The following STXBP5L variants were observed in gnomAD, a reference collection of about 807,000 sequenced individuals.
STXBP5L encodes the protein syntaxin binding protein 5L.
A neutral mutation model predicts 144.5 loss-of-function variants in STXBP5L; 65 were observed. The ratio of observed to expected loss-of-function variants is 0.45; its 90% CI spans 0.37 to 0.55. The LOEUF (loss-of-function observed/expected upper bound fraction) is 0.55, where lower values mean the gene tolerates loss of function less well. Among genes scored for constraint, STXBP5L ranks in the 20% least tolerant of loss-of-function variants. STXBP5L has a pLI of 0.00. For missense variants in STXBP5L, 1,298 were observed against 1,405.5 expected (o/e 0.92, Z 1.22); for synonymous variants, 505 against 469.6 (o/e 1.08, Z -0.97).
intron 5 of STXBP5L, among the ~76,000 whole-genome samples, chr3:121,053,059 A>C (rs139028454): frequency 0.12 from 17,891 of 152,240 alleles, 1,099 homozygotes; most frequent in East Asian, 0.14. Context: ...GACCTCTTCA[A>C]GGAGAACTAC....
intron 14 of STXBP5L, among the ~76,000 whole-genome samples, chr3:121,242,938 C>T (rs1033008047): frequency 6.6e-6 from 1 of 152,130 alleles, no homozygotes; most frequent in African/African-American, 2.4e-5. Flanking sequence ...TAGGAAGTCA[C>T]AGTACCCCAG....
Position 121,013,368 on chromosome 3 carries a change from C to T in STXBP5L, c.288-28332C>T, listed in dbSNP as rs185503209. On this transcript the variant is annotated intron_variant, in intron 3 of 26. Transcript: ENST00000471454. ...CTTGCCAACATCTGTTATTTTCCGACTTTTTAATAATAGTCATTCTGACTG... is the reference window on the plus strand; with the variant it reads ...CTTGCCAACATCTGTTATTTTCCGATTTTTTAATAATAGTCATTCTGACTG... Among the ~76,000 whole-genome samples, 298 of 152,136 alleles carry T rather than the reference C, an allele frequency of 2.0e-3. 1 individual carries two copies. Among genetic ancestry groups the T allele is most frequent in the African/African-American group, 7.0e-3 (289 of 41,558 alleles).
chr3:121,012,718 C>T (rs1576659818), intron 3 of STXBP5L, among the ~76,000 whole-genome samples: 1 of 151,828 alleles, frequency 6.6e-6, no homozygotes, highest in East Asian at 1.9e-4. Context: ...GATACATGTG[C>T]ATGTGCAGGT....
At chr3:121,104,652 C>T (rs2043601275) in intron 5 of STXBP5L, among the ~76,000 whole-genome samples, 1 of 152,118 alleles carries the variant, frequency 6.6e-6, no homozygotes, top group Non-Finnish European at 1.5e-5. Flanking sequence ...TGGGAAAGAA[C>T]ACCCAATTCA....
At chr3:121,362,840 G>A (rs1025464696) in intron 20 of STXBP5L, among the ~76,000 whole-genome samples, 2 of 152,088 alleles carry the variant, frequency 1.3e-5, no homozygotes, top group Non-Finnish European at 2.9e-5. Context: ...ATAATGTGCT[G>A]AGTCTCACCT....
rs939888256 is a variant in STXBP5L at position 121,020,592 on chromosome 3, A to G, written c.288-21108A>G. Reference sequence around the variant, plus strand: ...GCAGAAACCATACAAGCTAGAAGGGATTGGTTCCTATCTTTAGTTTCCTTA... The same window carrying G: ...GCAGAAACCATACAAGCTAGAAGGGGTTGGTTCCTATCTTTAGTTTCCTTA... On this transcript the variant is annotated intron_variant, in intron 3 of 26. Coordinates refer to ENST00000471454, the MANE Select transcript of STXBP5L (RefSeq NM_001308330.2). Among the ~76,000 whole-genome samples, 4 of 152,316 alleles carry G rather than the reference A, an allele frequency of 2.6e-5. No individual in the cohort carries two copies. The South Asian group carries it at 8.3e-4, about 32-fold the overall frequency.
chr3:121,018,930 G>A (rs1286600496), intron 3 of STXBP5L, among the ~76,000 whole-genome samples: 1 of 152,164 alleles, frequency 6.6e-6, no homozygotes, highest in African/African-American at 2.4e-5. Flanking sequence ...CCAAGAAACC[G>A]TGAGCCTGCT....
chr3:121,415,912 G>A lies in STXBP5L; in HGVS notation c.3170G>A (p.Gly1057Asp), dbSNP rs1198078974. The change falls in exon 25 of 27, where the codon GGC becomes GAC. Residue 1057 changes from glycine to aspartate, a missense_variant. Transcript: ENST00000471454. ...GAGACACCAGAAGCTCAAAACAGAG[G>A]CTTTCTCAAGGGACTGTTTGGTGGA... Reference protein sequence around the residue: ...PIETPEAQNRGFLKGLFGGSG... With the variant: ...PIETPEAQNRDFLKGLFGGSG... 8 of 1,613,414 alleles carry A rather than the reference G, an allele frequency of 5.0e-6. No homozygotes were observed. In the Admixed American group the frequency reaches 1.3e-4, roughly 27 times the overall value.
chr3:121,162,503 G>C (rs953707898), intron 9 of STXBP5L, among the ~76,000 whole-genome samples: 11 of 152,136 alleles, frequency 7.2e-5, no homozygotes, highest in Admixed American at 3.3e-4. Context: ...TCAGGACATA[G>C]GCATGGGCAA....
intron 3 of STXBP5L, 114 bp downstream of exon 3, chr3:120,955,151 T>C (rs1937883934): frequency 4.0e-6 from 3 of 752,630 alleles, no homozygotes; most frequent in Non-Finnish European, 6.3e-6. Context: ...TTTTAAGAAA[T>C]GAGTAACTAT....
At chr3:121,405,225 G>A (rs1255720349) in intron 22 of STXBP5L, among the ~76,000 whole-genome samples, 1 of 152,050 alleles carries the variant, frequency 6.6e-6, no homozygotes, top group Non-Finnish European at 1.5e-5. Flanking sequence ...TTTACAAGAG[G>A]TTGGCAGGGG....
intron 2 of STXBP5L, among the ~76,000 whole-genome samples, chr3:120,915,817 T>C (rs543402719): frequency 6.6e-6 from 1 of 152,168 alleles, no homozygotes; most frequent in East Asian, 1.9e-4. Flanking sequence ...ATTTAAAGGA[T>C]TTAGAGAAGG....
chr3:121,036,006 T>G (rs1003294930), intron 3 of STXBP5L, among the ~76,000 whole-genome samples: 1 of 152,160 alleles, frequency 6.6e-6, no homozygotes, highest in African/African-American at 2.4e-5. Context: ...AATATATAAT[T>G]GGTCTTTGCT....
chr3:121,007,208 G>C (rs74280555), intron 3 of STXBP5L, among the ~76,000 whole-genome samples: 5 of 152,024 alleles, frequency 3.3e-5, no homozygotes, highest in African/African-American at 1.2e-4. Context: ...AATAGATATT[G>C]AAGTTACTTT....
chr3:121,138,190 G>A (rs9882608), intron 7 of STXBP5L, among the ~76,000 whole-genome samples: 79,566 of 151,662 alleles, frequency 0.52, 21,423 homozygotes, highest in African/African-American at 0.62. Flanking sequence ...AAAAAACTGG[G>A]AATAAATTTA....
chr3:121,238,995 T>A lies in STXBP5L; in HGVS notation c.1209T>A (p.Tyr403Ter). 1 of 1,601,476 alleles carries A rather than the reference T, an allele frequency of 6.2e-7. No individual in the cohort carries two copies. Among genetic ancestry groups the A allele is most frequent in the South Asian group, 1.1e-5 (1 of 88,346 alleles). ...QSNFPIFENP[Y>*]PMDIHESPVT... ...GTTTTCCAATCTTTGAAAATCCATA[T>A]CCCATGGACATTCATGAATCACCAG... Residue 403 changes from tyrosine (Y) to a stop codon, truncating the protein, a stop_gained, in exon 13 of 27, where the codon TAT (tyrosine) becomes TAA (stop). Coordinates refer to ENST00000471454, the MANE Select transcript of STXBP5L (RefSeq NM_001308330.2). LOFTEE classifies it high-confidence loss of function.
chr3:121,087,198 C>T (rs1252076338), intron 5 of STXBP5L, among the ~76,000 whole-genome samples: 1 of 152,012 alleles, frequency 6.6e-6, no homozygotes, highest in Non-Finnish European at 1.5e-5. Context: ...TGATTAGATT[C>T]TATAGGGTTA....
At chr3:121,214,943 C>T (rs914145748) in intron 10 of STXBP5L, among the ~76,000 whole-genome samples, 1 of 152,036 alleles carries the variant, frequency 6.6e-6, no homozygotes, top group Middle Eastern at 3.2e-3. Flanking sequence ...TTGCATTGAT[C>T]CCTTTACCAT....
chr3:121,210,422 C>G (rs2048514711), intron 10 of STXBP5L, among the ~76,000 whole-genome samples: 1 of 152,012 alleles, frequency 6.6e-6, no homozygotes, highest in African/African-American at 2.4e-5. Context: ...TGTGCAGAAG[C>G]TCTTTAGTTT....
Sources: allele counts gnomAD v4.1 joint callset (sites outside exome capture counted in the v4.1 genomes callset), GRCh38; gene constraint gnomAD v4.1.1; transcripts MANE v1.5; gene names NCBI Gene and HGNC (gene_info 2026-07-23, HGNC 2026-07-21).